The following BBOF1 variants were observed in gnomAD, a reference collection of about 807,000 sequenced individuals.
The protein encoded by BBOF1 is basal body-orientation factor 1.
In BBOF1, 62 loss-of-function variants were observed where a neutral mutation model predicts 68.0. That is an observed-to-expected ratio of 0.91 (90% CI 0.74 to 1.13). The LOEUF is 1.13. Ranked by LOEUF, BBOF1 falls within the 50% of genes most tolerant of loss-of-function variation. The pLI is 0.00. For synonymous variants in BBOF1, 208 were observed against 198.8 expected, an observed-to-expected ratio of 1.05 and a Z score of -0.39; for missense variants, 534 against 600.1, an observed-to-expected ratio of 0.89 and a Z score of 1.15.
chr14:74,074,912 G>A, intron 9 of BBOF1: 2 of 1,585,334 alleles, frequency 1.3e-6, no homozygotes, highest in Non-Finnish European at 8.7e-7. Flanking sequence ...AAACTATACT[G>A]AATTCCTTCT....
At chr14:74,053,391 G>A (rs2060113461) in intron 8 of BBOF1, among the ~76,000 whole-genome samples, 1 of 151,596 alleles carries the variant, frequency 6.6e-6, no homozygotes, top group Non-Finnish European at 1.5e-5. Context: ...GATTACAGGT[G>A]TGAGCCACTG....
Position 74,050,069 on chromosome 14 carries a change from C to T in BBOF1, c.1160C>T (p.Ala387Val). The T allele has an allele frequency of 6.2e-7, 1 of 1,614,046 alleles. No homozygotes were observed. Among genetic ancestry groups the T allele is most frequent in the South Asian group, 1.1e-5 (1 of 91,074 alleles). ...AAGCATTATAAGCAGATAGCACAAG[C>T]TGCTTTCAATTTAAAAATGAGAGCA... ...SRKHYKQIAQ[A>V]AFNLKMRAAC... Residue 387 changes from alanine (A) to valine (V), a missense_variant, in exon 8 of 12, where the codon GCT becomes GTT. Ala to Val is a moderately conservative substitution (Grantham distance 64). Coordinates refer to ENST00000394009, the MANE Select transcript of BBOF1 (RefSeq NM_025057.3).
At chr14:74,040,244 C>T (rs1245446597) in intron 4 of BBOF1, among the ~76,000 whole-genome samples, 1 of 152,184 alleles carries the variant, frequency 6.6e-6, no homozygotes, top group Non-Finnish European at 1.5e-5. Context: ...CCACCTTAGC[C>T]TCCCAAAGTG....
downstream of BBOF1, chr14:74,067,485 CA>C (rs766505525): frequency 1.9e-6 from 3 of 1,614,236 alleles, no homozygotes; most frequent in Admixed American, 5.0e-5. Flanking sequence ...CGCTGACCAG[CA>C]GCTCCAAATG....
intron 11 of BBOF1, chr14:74,057,677 G>T: frequency 7.7e-7 from 1 of 1,298,174 alleles, no homozygotes; most frequent in Non-Finnish European, 1.0e-6. Context: ...CTCTTTAAGA[G>T]TTTTTAATTT....
chr14:74,076,712 TA>T (rs946598462), intron 9 of BBOF1, among the ~76,000 whole-genome samples: 54 of 152,140 alleles, frequency 3.5e-4, no homozygotes, highest in African/African-American at 1.1e-3. Flanking sequence ...AATTTTATTT[TA>T]TTTTTTTTGT....
At chr14:74,057,642 A>G in intron 11 of BBOF1, 1 of 1,333,212 alleles carries the variant, frequency 7.5e-7, no homozygotes, top group South Asian at 1.2e-5. Flanking sequence ...GGAGATATGA[A>G]ATGATTTTTT....
chr14:74,034,191 T>C lies in BBOF1; in HGVS notation c.495+20T>C. The C allele has an allele frequency of 6.7e-7, 1 of 1,485,846 alleles. No individual in the cohort carries two copies. The highest frequency in any genetic ancestry group is 2.5e-5 in the East Asian group (1 of 39,232). The allele number at this position is 1,485,846 out of a possible 1,614,324, so 92.0% of individuals were successfully genotyped here. A position where few individuals can be genotyped will look rare whatever the true frequency, so the allele number is the denominator to read the frequency against. On this transcript the variant is annotated intron_variant, in intron 4 of 11. Transcript: ENST00000394009. The stretch of plus-strand genomic sequence containing the variant: ...GATGATGTAAGTTTCATTCCTTTTT[T>C]ACAAAAAGGAAATTAGAATTAACTA...
chr14:74,049,460 G>A (rs1363488341), intron 7 of BBOF1, among the ~76,000 whole-genome samples: 1 of 151,982 alleles, frequency 6.6e-6, no homozygotes, highest in South Asian at 2.1e-4. Flanking sequence ...TCAGGAATTC[G>A]AGACCAGCCT....
intron 3 of BBOF1, among the ~76,000 whole-genome samples, chr14:74,030,747 T>G (rs1169415421): frequency 6.6e-6 from 1 of 152,112 alleles, no homozygotes; most frequent in African/African-American, 2.4e-5. Flanking sequence ...TCCGCCCGCC[T>G]TGGCCTCCCA....
chr14:74,050,243 CT>C, intron 8 of BBOF1, 48 bp downstream of exon 8: 1 of 1,503,598 alleles, frequency 6.7e-7, no homozygotes, highest in Non-Finnish European at 8.9e-7. Context: ...TTTTTGTGTC[CT>C]TTACAGAAAG....
At chr14:74,069,584 C>T (rs1013617430), downstream of BBOF1, among the ~76,000 whole-genome samples, 1 of 151,560 alleles carries the variant, frequency 6.6e-6, no homozygotes, top group Non-Finnish European at 1.5e-5. Flanking sequence ...AACCCTGTCT[C>T]TACTAAAAAT....
At chr14:74,025,605 T>C (rs2059405666) in intron 2 of BBOF1, among the ~76,000 whole-genome samples, 2 of 152,208 alleles carry the variant, frequency 1.3e-5, no homozygotes, top group South Asian at 2.1e-4. Context: ...CAGAATAATC[T>C]CATTAAATGT....
At chr14:74,050,895 G>A (rs2060052203) in intron 8 of BBOF1, among the ~76,000 whole-genome samples, 2 of 151,798 alleles carry the variant, frequency 1.3e-5, no homozygotes, top group African/African-American at 4.8e-5. Flanking sequence ...GATCACTTAA[G>A]GCCAGGAGTT....
intron 7 of BBOF1, among the ~76,000 whole-genome samples, chr14:74,049,412 G>A (rs191428090): frequency 1.8e-3 from 267 of 152,024 alleles, no homozygotes; most frequent in African/African-American, 5.6e-3. Context: ...AGTGGCTCAC[G>A]CCTGTTATGC....
rs759462303 is a variant in BBOF1, at chr14:74,040,592, C to A, written c.523C>A (p.Arg175=). The A allele has an allele frequency of 6.3e-7, 1 of 1,592,006 alleles. No individual in the cohort carries two copies. ...GAAAGAGAATTTAAGAAACACAGAGCGGATACATCAGGAGACTCTTAGAAG... is the reference window on the plus strand; with the variant it reads ...GAAAGAGAATTTAAGAAACACAGAGAGGATACATCAGGAGACTCTTAGAAG... The part of the protein sequence containing the change: ...DLKENLRNTE[R]IHQETLRRLE... The change falls in exon 5 of 12, where the codon CGG becomes AGG. Residue 175 remains arginine (R), a synonymous_variant. Coordinates refer to ENST00000394009, the MANE Select transcript of BBOF1 (RefSeq NM_025057.3).
Position 74,064,856 on chromosome 14 carries a change from G to T in BBOF1, c.*157G>T, listed in dbSNP as rs2060433749. On this transcript the variant is annotated 3_prime_UTR_variant, in exon 12 of 12. Transcript: ENST00000394009. ...ATAGAAATTGGTGTCTCCCCTGAAG[G>T]AGGATCGAGAGCCGGTGAATGAGAA... is the stretch of plus-strand genomic sequence containing the variant. 3 of 1,614,006 alleles carry T rather than the reference G, an allele frequency of 1.9e-6. No individual in the cohort carries two copies. The highest frequency in any genetic ancestry group is 3.3e-5 in the Admixed American group (2 of 59,988).
At chr14:74,060,542 C>G in intron 11 of BBOF1, 2 of 911,010 alleles carry the variant, frequency 2.2e-6, no homozygotes, top group Non-Finnish European at 3.7e-6. Context: ...ACAATGTATT[C>G]CAATCCCATC....
Position 74,019,526 on chromosome 14 carries a change from A to G in BBOF1, c.48A>G (p.Lys16=), listed in dbSNP as rs1337083735. Reference sequence around the variant, plus strand: ...AAAAGAAAGGCAAGAGCAAAGGCAAAGACACGAAGTAAGGAGAAGCCACCC... The same window carrying G: ...AAAAGAAAGGCAAGAGCAAAGGCAAGGACACGAAGTAAGGAGAAGCCACCC... ...KDKKKGKSKG[K]DTKKLIKTDE... The change falls in exon 1 of 12, where the codon AAA becomes AAG. Residue 16 remains lysine, a synonymous_variant. Coordinates refer to ENST00000394009, the MANE Select transcript of BBOF1 (RefSeq NM_025057.3). 4 of 1,600,090 alleles carry G rather than the reference A, an allele frequency of 2.5e-6. No individual in the cohort carries two copies. The East Asian group carries it at 9.1e-5, about 36-fold the overall frequency.
Sources: gnomAD v4.1 joint callset for allele counts (sites outside exome capture counted in the v4.1 genomes callset) on GRCh38, gnomAD v4.1.1 for gene constraint, MANE v1.5 for transcripts, NCBI Gene and HGNC (gene_info 2026-07-23, HGNC 2026-07-21) for gene names.